XRN1: variants seen among roughly 807,000 people sequenced by gnomAD.
XRN1 encodes the protein strand-exchange protein 1 homolog.
Under a neutral mutation model 222.3 loss-of-function variants are expected in XRN1, and 67 were observed. That is an observed-to-expected ratio of 0.30 (90% confidence interval 0.25 to 0.37). The LOEUF is 0.37. Among genes scored for constraint, XRN1 ranks in the 10% least tolerant of loss-of-function variants. The probability of loss-of-function intolerance (pLI) is 1.00; values close to 1 mark genes in which losing one functional copy is unlikely to be tolerated. For synonymous variants in XRN1, 643 were observed against 652.4 expected (o/e 0.99, Z 0.22); for missense variants, 1,707 against 2,000.2 (o/e 0.85, Z 2.80).
chr3:142,313,432 A>G (rs2065128086), intron 39 of XRN1, among the ~76,000 whole-genome samples: 1 of 152,194 alleles, frequency 6.6e-6, no homozygotes, highest in Admixed American at 6.5e-5. Context: ...TGGAGTTTGT[A>G]TTAAGCTCCA....
chr3:142,348,839 T>G (rs936951338), intron 32 of XRN1, among the ~76,000 whole-genome samples: 9 of 152,198 alleles, frequency 5.9e-5, no homozygotes, highest in African/African-American at 2.2e-4. Context: ...GGGATCTTAT[T>G]ATGTTGCCCA....
At chr3:142,332,837 A>G in intron 35 of XRN1, 130 bp downstream of exon 35, 1 of 1,386,188 alleles carries the variant, frequency 7.2e-7, no homozygotes, top group African/African-American at 1.5e-5. Flanking sequence ...TGGTTTCCTC[A>G]CAAGATGACA....
chr3:142,332,734 AACTTTCAT>A, intron 35 of XRN1, 200 bp from the exon 36 acceptor site: 1 of 745,138 alleles, frequency 1.3e-6, no homozygotes. Context: ...CCTCCTGCTT[AACTTTCAT>A]CCCAGTTACC....
In XRN1 at chr3:142,418,568, T is replaced by C; in HGVS notation, c.1282A>G (p.Thr428Ala). The change falls in exon 12 of 41, where the codon ACT becomes GCT. Residue 428 changes from threonine to alanine, a missense_variant. By Grantham distance (58) the Thr-to-Ala change is moderately conservative. Coordinates refer to ENST00000392981, the MANE Select transcript of XRN1 (RefSeq NM_001282857.2). ...GTTCTTTTATATTGTCTAAACTCAG[T>C]TTCAAATAGGTCATCATCTTCAGTC... The part of the protein sequence containing the change: ...DETEDDDLFE[T>A]EFRQYKRTYY... The C allele has an allele frequency of 6.2e-7, 1 of 1,610,300 alleles. No individual in the cohort carries two copies. The highest frequency in any genetic ancestry group is 8.5e-7 in the Non-Finnish European group (1 of 1,178,980).
intron 20 of XRN1, among the ~76,000 whole-genome samples, chr3:142,385,505 T>C (rs1312120732): frequency 6.6e-6 from 1 of 152,180 alleles, no homozygotes; most frequent in African/African-American, 2.4e-5. Context: ...AGCCTCCTAG[T>C]TTTTTAGATA....
chr3:142,364,276 T>G (rs993156680), intron 29 of XRN1, among the ~76,000 whole-genome samples: 1 of 152,196 alleles, frequency 6.6e-6, no homozygotes, highest in Non-Finnish European at 1.5e-5. Flanking sequence ...GGGATATATA[T>G]AGAGGAATGG....
intron 33 of XRN1, among the ~76,000 whole-genome samples, chr3:142,338,265 T>C (rs916368379): frequency 6.6e-6 from 1 of 152,174 alleles, no homozygotes; most frequent in African/African-American, 2.4e-5. Context: ...GACTTTTGTA[T>C]CTTGGATACC....
chr3:142,438,176 C>CCAG (rs2070006703), intron 1 of XRN1, among the ~76,000 whole-genome samples: 1 of 152,194 alleles, frequency 6.6e-6, no homozygotes, highest in Non-Finnish European at 1.5e-5. Context: ...ATCCAGCAGC[C>CCAG]CAGACCCCTT....
chr3:142,421,565 A>C, intron 8 of XRN1, 22 bp from the exon 9 acceptor site: 2 of 1,542,184 alleles, frequency 1.3e-6, no homozygotes, highest in South Asian at 2.4e-5. Context: ...AAAAATTTAA[A>C]TCTGTACTAA....
At chr3:142,343,007 A>G (rs2066039649) in intron 33 of XRN1, among the ~76,000 whole-genome samples, 1 of 152,164 alleles carries the variant, frequency 6.6e-6, no homozygotes, top group African/African-American at 2.4e-5. Flanking sequence ...GGGAAAAAAT[A>G]TTTGCAAACT....
In XRN1 at chr3:142,412,597, T is replaced by G; in HGVS notation, c.1660A>C (p.Asn554His). 1 of 1,608,548 alleles carries G rather than the reference T, an allele frequency of 6.2e-7. No homozygotes were observed. The highest frequency in any genetic ancestry group is 8.5e-7 in the Non-Finnish European group (1 of 1,176,270). ...YYPPDFKTDL[N>H]GKQQEWEAVV... ...GCTTCCCATTCCTGTTGTTTCCCAT[T>G]TAGGTCAGTTTTAAAATCAGGTGGG... Residue 554 changes from asparagine to histidine, a missense_variant, in exon 15 of 41, where the codon AAT (asparagine) becomes CAT (histidine). Coordinates refer to ENST00000392981, the MANE Select transcript of XRN1 (RefSeq NM_001282857.2).
At position 142,335,436 on chromosome 3, in the gene XRN1, AAGGAAG is replaced by A. The variant is rs752943053; in HGVS notation, c.3939+6_3939+11del. The A allele has an allele frequency of 6.2e-7, 1 of 1,612,922 alleles. No homozygotes were observed. The highest frequency in any genetic ancestry group is 8.5e-7 in the Non-Finnish European group (1 of 1,179,166). On this transcript the variant is annotated splice_donor_region_variant and intron_variant, in intron 34 of 40. Transcript: ENST00000392981. ...AATTGGTAACTAGAAATTTGATTTT[AAGGAAG>A]CTTACCTGCTTATTGGACATTTTTT... is the stretch of plus-strand genomic sequence containing the variant.
chr3:142,323,486 T>G (rs887302949), intron 37 of XRN1, among the ~76,000 whole-genome samples: 8 of 152,058 alleles, frequency 5.3e-5, no homozygotes, highest in African/African-American at 9.7e-5. Flanking sequence ...CCGGCCCACT[T>G]TTAAGTTTTA....
intron 27 of XRN1, among the ~76,000 whole-genome samples, chr3:142,369,826 A>C (rs1309256814): frequency 6.6e-6 from 1 of 151,776 alleles, no homozygotes; most frequent in Non-Finnish European, 1.5e-5. Flanking sequence ...CAGGCGGATC[A>C]CCTGAGGTCA....
At chr3:142,410,378 A>AT (rs1307169244) in intron 15 of XRN1, among the ~76,000 whole-genome samples, 1 of 152,088 alleles carries the variant, frequency 6.6e-6, no homozygotes. Flanking sequence ...TGGATGTTGA[A>AT]TATTGATAAT....
At chr3:142,398,573 C>T (rs376483525) in intron 19 of XRN1, among the ~76,000 whole-genome samples, 2 of 152,060 alleles carry the variant, frequency 1.3e-5, no homozygotes, top group African/African-American at 4.8e-5. Context: ...CACTATGATG[C>T]CCAGGCTGGT....
intron 3 of XRN1, 186 bp downstream of exon 3, chr3:142,426,558 A>G (rs776859755): frequency 1.4e-5 from 8 of 556,446 alleles, no homozygotes; most frequent in Non-Finnish European, 2.2e-5. Flanking sequence ...AAATCCCTAC[A>G]GTTTTTGTAG....
chr3:142,392,685 TG>T (rs1216220968), intron 20 of XRN1, among the ~76,000 whole-genome samples: 1 of 151,628 alleles, frequency 6.6e-6, no homozygotes, highest in Non-Finnish European at 1.5e-5. Flanking sequence ...TAGTATTCCA[TG>T]GTGTATATGT....
chr3:142,396,149 GTATC>G (rs1472689200), intron 20 of XRN1, among the ~76,000 whole-genome samples: 1 of 152,082 alleles, frequency 6.6e-6, no homozygotes, highest in Non-Finnish European at 1.5e-5. Context: ...GCATACTACT[GTATC>G]TATTATGGCA....
Sources: allele counts gnomAD v4.1 joint callset (sites outside exome capture counted in the v4.1 genomes callset), GRCh38; gene constraint gnomAD v4.1.1; transcripts MANE v1.5; gene names NCBI Gene and HGNC (gene_info 2026-07-23, HGNC 2026-07-21).